The following TRPM6 variants were observed in gnomAD, a reference collection of about 807,000 sequenced individuals.
TRPM6 encodes transient receptor potential cation channel subfamily M member 6, also known as channel kinase 2.
TRPM6 carries 111 observed loss-of-function variants against 247.6 expected under a neutral mutation model. That is an observed-to-expected ratio of 0.45 (90% CI 0.38 to 0.52). The LOEUF (loss-of-function observed/expected upper bound fraction) is 0.52. Ranked by LOEUF, TRPM6 falls within the 20% of genes least tolerant of loss-of-function variation. The pLI is 0.00. For missense variants in TRPM6, 2,126 were observed against 2,421.5 expected (o/e 0.88, Z 2.56); for synonymous variants, 892 against 853.8 (o/e 1.04, Z -0.78).
intron 1 of TRPM6, among the ~76,000 whole-genome samples, chr9:74,886,951 G>GA (rs1215635162): frequency 6.6e-6 from 1 of 152,168 alleles, no homozygotes; most frequent in Non-Finnish European, 1.5e-5. Flanking sequence ...GACTATTCCT[G>GA]AAATACAATG....
chr9:74,821,574 A>G, intron 8 of TRPM6, 95 bp downstream of exon 8: 4 of 1,421,264 alleles, frequency 2.8e-6, no homozygotes, highest in South Asian at 1.2e-5. Flanking sequence ...CTATAATCCA[A>G]GAATATCTGG....
At chr9:74,864,288 A>G (rs1470204425) in intron 1 of TRPM6, among the ~76,000 whole-genome samples, 1 of 152,202 alleles carries the variant, frequency 6.6e-6, no homozygotes, top group African/African-American at 2.4e-5. Flanking sequence ...GAATCCCTTC[A>G]AAGTGCCAGG....
intron 5 of TRPM6, among the ~76,000 whole-genome samples, chr9:74,836,455 T>C (rs192916692): frequency 8.5e-4 from 129 of 152,308 alleles, no homozygotes; most frequent in African/African-American, 3.0e-3. Flanking sequence ...GAGCCATCTC[T>C]AGAACCTGGG....
At chr9:74,858,631 T>C (rs1830600970) in intron 2 of TRPM6, 38 bp downstream of exon 2, 7 of 1,330,302 alleles carry the variant, frequency 5.3e-6, no homozygotes, top group Non-Finnish European at 7.6e-6. Flanking sequence ...CATCAGGTAG[T>C]GTTGCTTTTA....
At chr9:74,801,480 AC>A (rs938308568) in intron 16 of TRPM6, among the ~76,000 whole-genome samples, 4 of 151,498 alleles carry the variant, frequency 2.6e-5, no homozygotes, top group Non-Finnish European at 5.9e-5. Flanking sequence ...TTCCACCATT[AC>A]TCTCTGGCTC....
intron 3 of TRPM6, among the ~76,000 whole-genome samples, chr9:74,851,273 G>T (rs565990185): frequency 2.6e-5 from 4 of 151,976 alleles, no homozygotes; most frequent in Admixed American, 2.6e-4. Flanking sequence ...GTCAATTCCA[G>T]GAGGGGGGTT....
chr9:74,797,426 T>C (rs1828138571), intron 17 of TRPM6, among the ~76,000 whole-genome samples: 1 of 152,176 alleles, frequency 6.6e-6, no homozygotes, highest in African/African-American at 2.4e-5. Context: ...CCTATGCACA[T>C]CCTACCCTAT....
chr9:74,868,186 T>C (rs1830915207), intron 1 of TRPM6, among the ~76,000 whole-genome samples: 1 of 145,762 alleles, frequency 6.9e-6, no homozygotes, highest in Non-Finnish European at 1.5e-5. Flanking sequence ...TTATTCTAAT[T>C]AAAATAAATA....
intron 37 of TRPM6, among the ~76,000 whole-genome samples, chr9:74,731,263 T>C (rs1825509623): frequency 6.6e-6 from 1 of 152,202 alleles, no homozygotes; most frequent in Non-Finnish European, 1.5e-5. Flanking sequence ...CTTGGTTCAT[T>C]ATATATGCAA....
chr9:74,842,124 AAAAG>A lies in TRPM6; in HGVS notation c.330+38_330+41del, dbSNP rs776640200. On this transcript the variant is annotated intron_variant, in intron 4 of 38. Coordinates refer to ENST00000360774, the MANE Select transcript of TRPM6 (RefSeq NM_017662.5). Reference sequence around the variant, plus strand: ...AAAACCCCGTCTCGAAAAAAAAAAAAAAAGAAAGAAACCAGCAAAACAATTTGGG... The same window carrying A: ...AAAACCCCGTCTCGAAAAAAAAAAAAAAAGAAACCAGCAAAACAATTTGGG... The A allele has an allele frequency of 6.9e-5, 111 of 1,611,680 alleles. No individual in the cohort carries two copies. In the African/African-American group the frequency reaches 1.1e-3, roughly 15 times the overall value.
chr9:74,820,295 C>T lies in TRPM6; in HGVS notation c.1134+9G>A, dbSNP rs779858572. 23 of 1,613,768 alleles carry T rather than the reference C, an allele frequency of 1.4e-5. 1 individual carries two copies. In the South Asian group the frequency reaches 2.3e-4, roughly 16 times the overall value. ...TAAGTCAGTTGAATCATCAACTCGT[C>T]ATACTCACACAATCCCTGTGAACCA... On this transcript the variant is annotated intron_variant, in intron 9 of 38. Transcript: ENST00000360774.
At chr9:74,816,516 G>A (rs144081358) in intron 11 of TRPM6, among the ~76,000 whole-genome samples, 153 bp downstream of exon 11, 1 of 143,802 alleles carries the variant, frequency 7.0e-6, no homozygotes, top group Non-Finnish European at 1.5e-5. Flanking sequence ...AGGCAAAGTC[G>A]ATGGGAAAAG....
intron 6 of TRPM6, among the ~76,000 whole-genome samples, chr9:74,828,245 A>C (rs962281536): frequency 6.6e-6 from 1 of 152,140 alleles, no homozygotes; most frequent in Non-Finnish European, 1.5e-5. Context: ...AGTCCCAGCT[A>C]CTTGGGAGGC....
intron 1 of TRPM6, among the ~76,000 whole-genome samples, chr9:74,859,939 A>G (rs1177073647): frequency 1.3e-5 from 2 of 152,160 alleles, no homozygotes; most frequent in Non-Finnish European, 2.9e-5. Flanking sequence ...AAGGAAATGC[A>G]CTGGGCCAGA....
At chr9:74,881,811 T>C (rs888987570) in intron 1 of TRPM6, among the ~76,000 whole-genome samples, 3 of 152,168 alleles carry the variant, frequency 2.0e-5, no homozygotes, top group South Asian at 2.1e-4. Context: ...AGTATTCTTA[T>C]AGCTATAGTA....
chr9:74,744,068 A>G, intron 32 of TRPM6, 27 bp downstream of exon 32: 1 of 1,610,576 alleles, frequency 6.2e-7, no homozygotes, highest in East Asian at 2.2e-5. Flanking sequence ...AGCTCAGCTG[A>G]CATGTCTATG....
intron 1 of TRPM6, among the ~76,000 whole-genome samples, chr9:74,883,319 G>A (rs147529137): frequency 6.3e-4 from 96 of 152,142 alleles, no homozygotes; most frequent in African/African-American, 1.9e-3. Flanking sequence ...CAGGTATTTA[G>A]CTCAATTTTT....
chr9:74,849,499 C>T (rs140779410), intron 3 of TRPM6, among the ~76,000 whole-genome samples: 171 of 152,190 alleles, frequency 1.1e-3, no homozygotes, highest in African/African-American at 4.0e-3. Flanking sequence ...AAGAAGGTGG[C>T]CATCTGCAAG....
intron 38 of TRPM6, 67 bp from the exon 39 acceptor site, chr9:74,724,813 G>A: frequency 6.2e-7 from 1 of 1,602,956 alleles, no homozygotes; most frequent in Non-Finnish European, 8.5e-7. Flanking sequence ...GAAGACAAAT[G>A]GGACTTTAGG....
Sources: allele counts gnomAD v4.1 joint callset (sites outside exome capture counted in the v4.1 genomes callset), GRCh38; gene constraint gnomAD v4.1.1; transcripts MANE v1.5; gene names NCBI Gene and HGNC (gene_info 2026-07-23, HGNC 2026-07-21).